Variants in GALNTL6 observed in about 807,000 individuals in gnomAD.
The protein encoded by GALNTL6 is polypeptide N-acetylgalactosaminyltransferase like 6.
In GALNTL6, 46 loss-of-function variants were observed where a neutral mutation model predicts 73.7. The observed-to-expected ratio is 0.62, with a 90% CI of 0.49 to 0.80. GALNTL6 has a LOEUF of 0.80. Ranked by LOEUF, GALNTL6 falls within the 30% of genes least tolerant of loss-of-function variation. The pLI, the probability that GALNTL6 is intolerant of heterozygous loss-of-function variation, is 0.00. For synonymous variants in GALNTL6, 259 were observed against 263.7 expected (o/e 0.98, Z 0.17); for missense variants, 604 against 755.0 (o/e 0.80, Z 2.34).
chr4:172,288,852 C>A (rs28771981), intron 3 of GALNTL6, among the ~76,000 whole-genome samples: 1 of 151,896 alleles, frequency 6.6e-6, no homozygotes, highest in Non-Finnish European at 1.5e-5. Context: ...CATGAATTGA[C>A]CATGTTATAA....
At chr4:172,163,615 G>A (rs892850553) in intron 2 of GALNTL6, among the ~76,000 whole-genome samples, 1 of 151,916 alleles carries the variant, frequency 6.6e-6, no homozygotes, top group Admixed American at 6.6e-5. Flanking sequence ...TATATTTCTA[G>A]GAAGTATACT....
At chr4:172,909,950 A>G (rs1192194951) in intron 8 of GALNTL6, among the ~76,000 whole-genome samples, 3 of 152,096 alleles carry the variant, frequency 2.0e-5, no homozygotes, top group Non-Finnish European at 4.4e-5. Context: ...TATAGTCTTT[A>G]AAAATAATGT....
At chr4:172,856,198 C>A (rs1744113693) in intron 7 of GALNTL6, among the ~76,000 whole-genome samples, 1 of 152,162 alleles carries the variant, frequency 6.6e-6, no homozygotes, top group African/African-American at 2.4e-5. Flanking sequence ...CTTCTTCTGA[C>A]AACTTGAAGA....
At chr4:172,240,216 T>TTTTG (rs35343486) in intron 3 of GALNTL6, among the ~76,000 whole-genome samples, 80,014 of 150,656 alleles carry the variant, frequency 0.53, 22,434 homozygotes, top group East Asian at 0.86. Context: ...TTTTTGAAGT[T>TTTTG]TTTGTTTGTT....
At chr4:172,734,348 C>T (rs1374618358) in intron 5 of GALNTL6, among the ~76,000 whole-genome samples, 13 of 152,128 alleles carry the variant, frequency 8.5e-5, no homozygotes, top group Non-Finnish European at 1.5e-5. Context: ...TGCTAATCAC[C>T]AAGACAATGG....
chr4:172,540,637 G>A (rs531474729), intron 5 of GALNTL6, among the ~76,000 whole-genome samples: 12 of 152,150 alleles, frequency 7.9e-5, no homozygotes, highest in East Asian at 7.7e-4. Flanking sequence ...GACATAAATC[G>A]ATACATGGAA....
At chr4:172,789,166 G>A (rs899250470) in intron 5 of GALNTL6, among the ~76,000 whole-genome samples, 7 of 152,138 alleles carry the variant, frequency 4.6e-5, no homozygotes, top group South Asian at 2.1e-4. Context: ...ACTGTGCCCC[G>A]TCTTCCAGAC....
At chr4:172,463,798 T>C (rs1306662776) in intron 5 of GALNTL6, among the ~76,000 whole-genome samples, 1 of 152,214 alleles carries the variant, frequency 6.6e-6, no homozygotes, top group Non-Finnish European at 1.5e-5. Context: ...ATGCAAGCAA[T>C]CTGTGGATGA....
intron 5 of GALNTL6, among the ~76,000 whole-genome samples, chr4:172,648,477 A>C (rs1451876137): frequency 6.6e-6 from 1 of 152,176 alleles, no homozygotes; most frequent in Non-Finnish European, 1.5e-5. Context: ...AAAATCCTTT[A>C]TGAATATGAA....
At chr4:172,832,325 A>C (rs533736716) in intron 7 of GALNTL6, among the ~76,000 whole-genome samples, 68 of 152,268 alleles carry the variant, frequency 4.5e-4, no homozygotes, top group African/African-American at 1.5e-3. Flanking sequence ...AGGATTTCAC[A>C]CAGAGACAGA....
intron 3 of GALNTL6, among the ~76,000 whole-genome samples, chr4:172,282,999 C>A (rs548879485): frequency 1.3e-5 from 2 of 152,266 alleles, no homozygotes; most frequent in African/African-American, 4.8e-5. Context: ...AATTTTGTTT[C>A]TCTTTGCTCT....
At chr4:172,058,480 G>C (rs941325879) in intron 2 of GALNTL6, among the ~76,000 whole-genome samples, 1 of 151,788 alleles carries the variant, frequency 6.6e-6, no homozygotes, top group Non-Finnish European at 1.5e-5. Flanking sequence ...AGTTACCTTG[G>C]TTGTATTTTA....
chr4:171,969,523 A>G (rs1739497258), intron 2 of GALNTL6, among the ~76,000 whole-genome samples: 1 of 152,188 alleles, frequency 6.6e-6, no homozygotes, highest in Admixed American at 6.5e-5. Flanking sequence ...ACACGTGATT[A>G]TTTAGGAGCA....
intron 5 of GALNTL6, among the ~76,000 whole-genome samples, chr4:172,521,221 A>G (rs565362395): frequency 6.6e-6 from 1 of 152,260 alleles, no homozygotes; most frequent in South Asian, 2.1e-4. Flanking sequence ...ACTAAACTTT[A>G]AGACAGTATC....
At chr4:172,076,097 G>A (rs1731696113) in intron 2 of GALNTL6, among the ~76,000 whole-genome samples, 1 of 152,166 alleles carries the variant, frequency 6.6e-6, no homozygotes, top group Non-Finnish European at 1.5e-5. Context: ...CAGGTTGTGT[G>A]TTTTTCCTCT....
chr4:172,791,018 A>G (rs994728200), intron 5 of GALNTL6, among the ~76,000 whole-genome samples: 1 of 152,170 alleles, frequency 6.6e-6, no homozygotes, highest in African/African-American at 2.4e-5. Context: ...GGAGATCCTC[A>G]ATACTGGTCC....
chr4:172,211,234 A>G (rs1736312548), intron 2 of GALNTL6, among the ~76,000 whole-genome samples: 1 of 152,202 alleles, frequency 6.6e-6, no homozygotes, highest in African/African-American at 2.4e-5. Flanking sequence ...CTTGGATTAG[A>G]CAATAGTATT....
intron 4 of GALNTL6, among the ~76,000 whole-genome samples, chr4:172,317,648 T>G (rs976276791): frequency 1.3e-5 from 2 of 152,218 alleles, no homozygotes; most frequent in African/African-American, 4.8e-5. Flanking sequence ...AGTTTTTATT[T>G]TATTTTTATG....
chr4:171,878,449 G>A (rs563204715), intron 2 of GALNTL6, among the ~76,000 whole-genome samples: 1 of 152,066 alleles, frequency 6.6e-6, no homozygotes, highest in South Asian at 2.1e-4. Context: ...ATGTTTCATT[G>A]CTTTTTTTCA....
Sources: gnomAD v4.1 joint callset for allele counts (sites outside exome capture counted in the v4.1 genomes callset) on GRCh38, gnomAD v4.1.1 for gene constraint, MANE v1.5 for transcripts, NCBI Gene and HGNC (gene_info 2026-07-23, HGNC 2026-07-21) for gene names.